MIS18A: variants seen among roughly 807,000 people sequenced by gnomAD.
The protein encoded by MIS18A is protein Mis18-alpha.
In MIS18A, 14 loss-of-function variants were observed where a neutral mutation model predicts 25.0. That is an observed-to-expected ratio of 0.56 (90% CI 0.37 to 0.88). The LOEUF (loss-of-function observed/expected upper bound fraction) is 0.88. MIS18A is among the 40% of genes least tolerant of loss of function. The pLI, the probability that MIS18A is intolerant of heterozygous loss-of-function variation, is 0.00. For missense variants in MIS18A, 292 were observed against 290.8 expected, an observed-to-expected ratio of 1.00 and a Z score of -0.03; for synonymous variants, 134 against 118.6, an observed-to-expected ratio of 1.13 and a Z score of -0.84.
downstream of MIS18A, among the ~76,000 whole-genome samples, chr21:32,267,945 C>T (rs2031635103): frequency 6.6e-6 from 1 of 152,196 alleles, no homozygotes; most frequent in South Asian, 2.1e-4. Context: ...CCTGCATGAT[C>T]CAGTCAATGT....
chr21:32,264,322 A>G (rs1460503826), downstream of MIS18A, among the ~76,000 whole-genome samples: 1 of 152,158 alleles, frequency 6.6e-6, no homozygotes, highest in African/African-American at 2.4e-5. Flanking sequence ...GATTTTGTGC[A>G]ATGTTTACAA....
the MIS18A span, among the ~76,000 whole-genome samples, chr21:32,155,013 A>C: frequency 6.6e-6 from 1 of 152,232 alleles, no homozygotes; most frequent in Non-Finnish European, 1.5e-5. Context: ...TAGCTATACA[A>C]AACATAAGCA....
chr21:32,275,001 A>G (rs2031784168), intron 1 of MIS18A, 105 bp from the exon 2 acceptor site: 5 of 904,768 alleles, frequency 5.5e-6, no homozygotes, highest in Non-Finnish European at 8.6e-6. Context: ...AGGACAAAAA[A>G]TAAGCCCAAA....
At chr21:32,207,076 G>C in the MIS18A span, among the ~76,000 whole-genome samples, 1 of 152,158 alleles carries the variant, frequency 6.6e-6, no homozygotes, top group Non-Finnish European at 1.5e-5. Context: ...TAAATTCCAC[G>C]CCTGCGCCCC....
chr21:32,186,766 G>A, the MIS18A span, among the ~76,000 whole-genome samples: 2 of 152,118 alleles, frequency 1.3e-5, no homozygotes, highest in Admixed American at 1.3e-4. Flanking sequence ...CCTCCCCTAA[G>A]CCTCCATGAG....
downstream of MIS18A, among the ~76,000 whole-genome samples, chr21:32,265,162 C>T (rs959708829): frequency 3.9e-5 from 6 of 152,194 alleles, no homozygotes; most frequent in African/African-American, 1.4e-4. Flanking sequence ...GAGGTGACAG[C>T]GTGCTGGCAG....
chr21:32,230,219 G>A, the MIS18A span, among the ~76,000 whole-genome samples: 4 of 152,050 alleles, frequency 2.6e-5, no homozygotes, highest in East Asian at 7.7e-4. Context: ...AGTGTAACTG[G>A]TTGCTCCCTA....
the MIS18A span, among the ~76,000 whole-genome samples, chr21:32,215,512 T>C: frequency 2.6e-5 from 4 of 152,082 alleles, no homozygotes; most frequent in African/African-American, 9.7e-5. Flanking sequence ...CATGTGCTGA[T>C]GTTCACTAGG....
the MIS18A span, among the ~76,000 whole-genome samples, chr21:32,254,622 T>C: frequency 1.3e-5 from 2 of 152,230 alleles, no homozygotes; most frequent in Non-Finnish European, 2.9e-5. Context: ...GTTCAAGATT[T>C]CATTAATTAT....
the MIS18A span, among the ~76,000 whole-genome samples, chr21:32,194,182 G>GGAAA: frequency 2.1e-4 from 32 of 152,258 alleles, no homozygotes; most frequent in East Asian, 4.6e-3. Flanking sequence ...CCCTGAACCT[G>GGAAA]TGTGGAAAAT....
the MIS18A span, among the ~76,000 whole-genome samples, chr21:32,195,445 A>G: frequency 1.3e-5 from 2 of 152,156 alleles, no homozygotes; most frequent in Non-Finnish European, 2.9e-5. Flanking sequence ...TCCATGTCCC[A>G]AGGCAGGAGC....
chr21:32,194,926 C>T, the MIS18A span, among the ~76,000 whole-genome samples: 2 of 152,244 alleles, frequency 1.3e-5, 1 homozygote, highest in South Asian at 4.2e-4. Context: ...GGATGAAACA[C>T]CATCTGTTAG....
chr21:32,202,192 G>A, the MIS18A span, among the ~76,000 whole-genome samples: 1 of 152,138 alleles, frequency 6.6e-6, no homozygotes, highest in African/African-American at 2.4e-5. Flanking sequence ...GGGAGGCTGA[G>A]GTGGGAGGAT....
the MIS18A span, among the ~76,000 whole-genome samples, chr21:32,173,851 G>A: frequency 6.6e-6 from 1 of 151,472 alleles, no homozygotes; most frequent in African/African-American, 2.4e-5. Context: ...TAGTTGTGAT[G>A]ATTGCAAAAC....
At chr21:32,267,573 T>C (rs1601074289), downstream of MIS18A, among the ~76,000 whole-genome samples, 1 of 152,326 alleles carries the variant, frequency 6.6e-6, no homozygotes. Flanking sequence ...ATGAACAGGG[T>C]ATAAGGAATC....
chr21:32,247,946 A>G, the MIS18A span, among the ~76,000 whole-genome samples: 2 of 152,158 alleles, frequency 1.3e-5, no homozygotes, highest in Non-Finnish European at 2.9e-5. Context: ...CTCTGGCCAG[A>G]GCCAACTGAA....
chr21:32,274,933 A>C, intron 1 of MIS18A, 37 bp from the exon 2 acceptor site: 1 of 1,532,820 alleles, frequency 6.5e-7, no homozygotes, highest in Non-Finnish European at 9.0e-7. Flanking sequence ...TTATTAATGT[A>C]GTTCGTTATA....
chr21:32,199,161 T>C, the MIS18A span, among the ~76,000 whole-genome samples: 2 of 152,214 alleles, frequency 1.3e-5, no homozygotes, highest in African/African-American at 4.8e-5. Context: ...TTATATGGAT[T>C]TGCATATTTA....
At chr21:32,195,029 C>T in the MIS18A span, among the ~76,000 whole-genome samples, 6 of 152,116 alleles carry the variant, frequency 3.9e-5, no homozygotes, top group Non-Finnish European at 7.3e-5. Flanking sequence ...ACTTGTAACC[C>T]TAAACCCATT....
Sources: allele counts gnomAD v4.1 joint callset (sites outside exome capture counted in the v4.1 genomes callset), GRCh38; gene constraint gnomAD v4.1.1; transcripts MANE v1.5; gene names NCBI Gene and HGNC (gene_info 2026-07-23, HGNC 2026-07-21).